LAMA2: variants seen among roughly 807,000 people sequenced by gnomAD.
LAMA2 encodes laminin subunit alpha 2, also known as laminin subunit alpha-2.
A neutral mutation model predicts 364.8 loss-of-function variants in LAMA2; 269 were observed. That is an observed-to-expected ratio of 0.74 (90% CI 0.67 to 0.82). The LOEUF (loss-of-function observed/expected upper bound fraction) is 0.82. Ranked by LOEUF, LAMA2 falls within the 40% of genes least tolerant of loss-of-function variation. The pLI is 0.00. For synonymous variants in LAMA2, 1,379 were observed against 1,370.6 expected (o/e 1.01, Z -0.14); for missense variants, 3,807 against 3,873.2 (o/e 0.98, Z 0.45).
chr6:129,093,480 C>T (rs1774975372), intron 3 of LAMA2, among the ~76,000 whole-genome samples: 1 of 152,086 alleles, frequency 6.6e-6, no homozygotes, highest in South Asian at 2.1e-4. Context: ...GTAAAAACCC[C>T]AGTGCTGTAC....
At chr6:129,204,687 A>G (rs1365654512) in intron 12 of LAMA2, among the ~76,000 whole-genome samples, 1 of 152,214 alleles carries the variant, frequency 6.6e-6, no homozygotes, top group Non-Finnish European at 1.5e-5. Flanking sequence ...TAAGCCACCC[A>G]GTCTATGGTA....
chr6:129,181,318 G>T (rs1396960625), intron 10 of LAMA2, among the ~76,000 whole-genome samples: 4 of 146,384 alleles, frequency 2.7e-5, no homozygotes, highest in Admixed American at 2.7e-4. Context: ...TGTACACAAA[G>T]AACTAGAAAG....
intron 1 of LAMA2, among the ~76,000 whole-genome samples, chr6:129,047,478 T>A (rs1290057526): frequency 1.3e-5 from 2 of 152,250 alleles, no homozygotes; most frequent in South Asian, 2.1e-4. Flanking sequence ...AACTTTCAGC[T>A]GAAGAAAAAC....
intron 1 of LAMA2, among the ~76,000 whole-genome samples, chr6:129,037,878 C>A (rs536419259): frequency 3.3e-5 from 5 of 152,166 alleles, no homozygotes; most frequent in African/African-American, 1.2e-4. Context: ...ACCGTGTTAG[C>A]CAGGATGGTC....
chr6:129,509,980 A>G (rs952723625), intron 62 of LAMA2, among the ~76,000 whole-genome samples: 5 of 152,096 alleles, frequency 3.3e-5, no homozygotes, highest in Admixed American at 1.3e-4. Flanking sequence ...ATTAACATGG[A>G]ATATCTTATT....
rs761837666 is a variant in LAMA2, at chr6:129,516,227, G to T, written c.9249G>T (p.Pro3083=). 1 of 1,613,868 alleles carries T rather than the reference G, an allele frequency of 6.2e-7. No homozygotes were observed. Among genetic ancestry groups the T allele is most frequent in the Non-Finnish European group, 8.5e-7 (1 of 1,180,014 alleles). ...AGTTTGGCCTAACAACCAGTATTCC[G>T]TTCCGAGGTTGCATCAGATCCCTGA... ...LKQFGLTTSI[P]FRGCIRSLKL... Residue 3083 remains proline (P), a synonymous_variant, in exon 65 of 65, where the codon CCG becomes CCT. Transcript: ENST00000421865.
intron 5 of LAMA2, among the ~76,000 whole-genome samples, chr6:129,144,970 C>A (rs1165386771): frequency 1.3e-5 from 2 of 151,898 alleles, no homozygotes; most frequent in East Asian, 1.9e-4. Context: ...GTTTATGGCA[C>A]CTCCCACATA....
chr6:129,382,608 T>C (rs1261682106), intron 34 of LAMA2, among the ~76,000 whole-genome samples: 2 of 152,238 alleles, frequency 1.3e-5, no homozygotes, highest in Non-Finnish European at 2.9e-5. Flanking sequence ...AAAACAGGCA[T>C]TTACTACTGA....
At position 129,502,289 on chromosome 6, in the gene LAMA2, A is replaced by AG. The variant is rs1371009288; in HGVS notation, c.8245-369dup. Reference sequence around the variant, plus strand: ...TGCTACTCTTATAACCCAAGTGGCTAGCTTGTCATTTTCCCTGTTCGATCT... The same window carrying AG: ...TGCTACTCTTATAACCCAAGTGGCTAGGCTTGTCATTTTCCCTGTTCGATCT... On this transcript the variant is annotated intron_variant, in intron 58 of 64. Coordinates refer to ENST00000421865, the MANE Select transcript of LAMA2 (RefSeq NM_000426.4). 2.0e-5 allele frequency among the ~76,000 whole-genome samples: 3 copies of AG among 152,264 alleles called. No individual in the cohort carries two copies. The East Asian group carries it at 5.8e-4, about 29-fold the overall frequency.
intron 1 of LAMA2, among the ~76,000 whole-genome samples, chr6:128,932,416 G>A (rs929571597): frequency 6.6e-6 from 1 of 152,184 alleles, no homozygotes; most frequent in Non-Finnish European, 1.5e-5. Context: ...TTACCAAACA[G>A]AATGCCAGAT....
chr6:129,217,418 A>G (rs1293648934), intron 12 of LAMA2, among the ~76,000 whole-genome samples: 1 of 152,098 alleles, frequency 6.6e-6, no homozygotes, highest in Non-Finnish European at 1.5e-5. Flanking sequence ...GCAATTATAT[A>G]CTCTCCTCCA....
At chr6:129,209,292 G>T (rs75339294) in intron 12 of LAMA2, among the ~76,000 whole-genome samples, 3 of 152,140 alleles carry the variant, frequency 2.0e-5, no homozygotes, top group Non-Finnish European at 4.4e-5. Flanking sequence ...CTCTTGATCC[G>T]AAACTCTTTT....
intron 1 of LAMA2, among the ~76,000 whole-genome samples, chr6:129,006,568 G>A (rs1784450854): frequency 6.6e-6 from 1 of 152,084 alleles, no homozygotes; most frequent in African/African-American, 2.4e-5. Context: ...TGCAGGTGCT[G>A]CCTCTTTCCA....
intron 1 of LAMA2, among the ~76,000 whole-genome samples, chr6:128,893,577 T>C (rs1422309333): frequency 6.6e-6 from 1 of 151,906 alleles, no homozygotes; most frequent in Non-Finnish European, 1.5e-5. Flanking sequence ...TATCTGAAAG[T>C]GTACATCAGC....
At position 129,049,963 on chromosome 6, in the gene LAMA2, C is replaced by T. The variant is rs747469905; in HGVS notation, c.158C>T (p.Thr53Met). The T allele has an allele frequency of 2.5e-6, 4 of 1,613,828 alleles. No homozygotes were observed. Among genetic ancestry groups the T allele is most frequent in the Admixed American group, 1.7e-5 (1 of 60,012 alleles). The change falls in exon 2 of 65, where the codon ACG becomes ATG. Residue 53 changes from threonine to methionine, a missense_variant. Thr to Met is a moderately conservative substitution (Grantham distance 81). Transcript: ENST00000421865. ...AATCTTGCTTCTAATGCTCTTATCA[C>T]GACCAATGCAACATGTGGAGAAAAA... is the stretch of plus-strand genomic sequence containing the variant. ...VLNLASNALITTNATCGEKGP... is the reference protein window; with the variant it reads ...VLNLASNALIMTNATCGEKGP...
intron 1 of LAMA2, among the ~76,000 whole-genome samples, chr6:128,895,399 G>A (rs1418084303): frequency 5.3e-5 from 8 of 151,242 alleles, no homozygotes; most frequent in Non-Finnish European, 8.8e-5. Flanking sequence ...TTGGGAGGCC[G>A]GGGCGGGTGG....
Position 129,214,610 on chromosome 6 carries a change from G to A in LAMA2, c.1782+21757G>A, listed in dbSNP as rs138854484. 4.6e-5 allele frequency among the ~76,000 whole-genome samples: 7 copies of A among 152,234 alleles called. No individual in the cohort carries two copies. The East Asian group carries it at 1.4e-3, about 29-fold the overall frequency. ...GCCATATTCATGCGGGTGTATTTCT[G>A]GGCTGGCTATTCTGTTCCATTGATC... On this transcript the variant is annotated intron_variant, in intron 12 of 64. Transcript: ENST00000421865.
intron 60 of LAMA2, among the ~76,000 whole-genome samples, chr6:129,503,912 C>T (rs1434360622): frequency 6.6e-6 from 1 of 152,138 alleles, no homozygotes; most frequent in Non-Finnish European, 1.5e-5. Context: ...CTATTATGGG[C>T]ACAGAAGGCT....
intron 32 of LAMA2, among the ~76,000 whole-genome samples, chr6:129,363,144 A>G (rs1331506144): frequency 2.0e-5 from 3 of 152,160 alleles, no homozygotes; most frequent in Admixed American, 2.0e-4. Context: ...CCCCATCTCT[A>G]TGTTAAAAAA....
Sources: gnomAD v4.1 joint callset for allele counts (sites outside exome capture counted in the v4.1 genomes callset) on GRCh38, gnomAD v4.1.1 for gene constraint, MANE v1.5 for transcripts, NCBI Gene and HGNC (gene_info 2026-07-23, HGNC 2026-07-21) for gene names.